Variants in CHD1 observed in about 807,000 individuals in gnomAD.
The protein encoded by CHD1 is ATP-dependent chromatin remodeler CHD1.
A neutral mutation model predicts 224.2 loss-of-function variants in CHD1; 36 were observed. The ratio of observed to expected loss-of-function variants is 0.16; its 90% CI spans 0.12 to 0.21. The LOEUF is 0.21. Ranked by LOEUF, CHD1 falls within the 10% of genes least tolerant of loss-of-function variation. The pLI is 1.00. For synonymous variants in CHD1, 668 were observed against 658.3 expected (o/e 1.01, Z -0.23); for missense variants, 1,378 against 1,994.8 (o/e 0.69, Z 5.89).
chr5:98,924,729 AC>A (rs1278012206), intron 2 of CHD1, among the ~76,000 whole-genome samples: 1 of 152,180 alleles, frequency 6.6e-6, no homozygotes, highest in Non-Finnish European at 1.5e-5. Context: ...TAATCTCAGC[AC>A]TTTGGGAGCT....
intron 31 of CHD1, among the ~76,000 whole-genome samples, 164 bp downstream of exon 31, chr5:98,868,331 G>GAAAAAAAAAAAAAAA (rs58475767): frequency 1.1e-5 from 1 of 91,686 alleles, no homozygotes. Context: ...ACTCAAAAAA[G>GAAAAAAAAAAAAAAA]AAAAAAAAAA....
intron 2 of CHD1, among the ~76,000 whole-genome samples, chr5:98,925,943 T>C (rs903879175): frequency 6.6e-6 from 1 of 151,700 alleles, no homozygotes; most frequent in Non-Finnish European, 1.5e-5. Flanking sequence ...ACAGTACAGG[T>C]ATAGAAGACA....
At chr5:98,875,210 T>C in intron 24 of CHD1, 97 bp from the exon 25 acceptor site, 1 of 710,356 alleles carries the variant, frequency 1.4e-6, no homozygotes, top group South Asian at 2.0e-5. Context: ...TACTTGTTAG[T>C]ATAAAAATTC....
At chr5:98,927,999 G>A (rs1753593579) in intron 1 of CHD1, among the ~76,000 whole-genome samples, 1 of 152,130 alleles carries the variant, frequency 6.6e-6, no homozygotes, top group Admixed American at 6.5e-5. Context: ...TTTTAAAGCG[G>A]CACTCGAAAG....
At chr5:98,894,950 T>C (rs1410584386) in intron 12 of CHD1, among the ~76,000 whole-genome samples, 2 of 151,652 alleles carry the variant, frequency 1.3e-5, no homozygotes, top group Non-Finnish European at 2.9e-5. Context: ...GCCTCCCGAG[T>C]AGCTAGGATT....
At chr5:98,883,859 A>ATT (rs1382869792) in intron 18 of CHD1, 1 of 28,836 alleles carries the variant, frequency 3.5e-5, no homozygotes, top group East Asian at 1.1e-3. Context: ...ATATATATAT[A>ATT]TATTTTTTTT....
chr5:98,922,163 C>A (rs993258082), intron 2 of CHD1, among the ~76,000 whole-genome samples: 1 of 151,788 alleles, frequency 6.6e-6, no homozygotes, highest in African/African-American at 2.4e-5. Context: ...TAAAAAAAAA[C>A]AAACCACACA....
rs546965044 is a variant in CHD1, at chr5:98,912,884, T to C, written c.54-7786A>G. Among the ~76,000 whole-genome samples the C allele has an allele frequency of 2.0e-4, 31 of 152,304 alleles. No individual in the cohort carries two copies. The South Asian group carries it at 3.5e-3, about 17-fold the overall frequency. ...TACTTCTGTCCTTAGCACATAAAGA[T>C]TTTCTTTCTTGTACATATAATTTCC... On this transcript the variant is annotated intron_variant, in intron 2 of 35. Coordinates refer to ENST00000614616, the MANE Select transcript of CHD1 (RefSeq NM_001270.4).
Position 98,899,693 on chromosome 5 carries a change from G to C in CHD1, c.872C>G (p.Thr291Ser), listed in dbSNP as rs201024756. 16 of 1,610,822 alleles carry C rather than the reference G, an allele frequency of 9.9e-6. No individual in the cohort carries two copies. Among genetic ancestry groups the C allele is most frequent in the Non-Finnish European group, 1.1e-5 (13 of 1,178,344 alleles). ...RIGRKGATGA[T>S]TTIYAVEADG... ...TGCTTCAACTGCATAGATGGTTGTAGTAGCACCAGTAGCTGAAAACAAAAG... is the reference window on the plus strand; with the variant it reads ...TGCTTCAACTGCATAGATGGTTGTACTAGCACCAGTAGCTGAAAACAAAAG... Residue 291 changes from threonine (T) to serine (S), a missense_variant, in exon 8 of 36, where the codon ACT (threonine) becomes AGT (serine). By Grantham distance (58) the Thr-to-Ser change is moderately conservative (BLOSUM62 1). Transcript: ENST00000614616.
intron 24 of CHD1, among the ~76,000 whole-genome samples, chr5:98,875,743 T>A (rs1023231680): frequency 6.6e-6 from 1 of 152,134 alleles, no homozygotes; most frequent in Non-Finnish European, 1.5e-5. Context: ...GGTCTAAGAT[T>A]TTAAAAGAAA....
chr5:98,880,702 G>T (rs1417953284), intron 22 of CHD1, among the ~76,000 whole-genome samples: 1 of 152,078 alleles, frequency 6.6e-6, no homozygotes, highest in African/African-American at 2.4e-5. Flanking sequence ...TTTCTTATTT[G>T]TGATAAGTTA....
At chr5:98,915,719 A>G (rs1752688795) in intron 2 of CHD1, among the ~76,000 whole-genome samples, 1 of 152,190 alleles carries the variant, frequency 6.6e-6, no homozygotes, top group African/African-American at 2.4e-5. Context: ...CAAAAAATCA[A>G]GTGAGGTGGG....
chr5:98,880,357 T>C (rs1750085058), intron 22 of CHD1, among the ~76,000 whole-genome samples: 1 of 152,210 alleles, frequency 6.6e-6, no homozygotes, highest in African/African-American at 2.4e-5. Flanking sequence ...AGCTCTTTCC[T>C]CACTACAGTC....
intron 2 of CHD1, among the ~76,000 whole-genome samples, chr5:98,919,723 GT>G (rs1324129735): frequency 6.6e-6 from 1 of 152,144 alleles, no homozygotes; most frequent in African/African-American, 2.4e-5. Flanking sequence ...ATGAACTCAC[GT>G]TTATGTATGA....
intron 30 of CHD1, 59 bp from the exon 31 acceptor site, chr5:98,868,694 G>T: frequency 1.4e-6 from 2 of 1,414,384 alleles, no homozygotes; most frequent in South Asian, 1.5e-5. Flanking sequence ...AAGGCAAAAT[G>T]ACTAACACTT....
chr5:98,858,140 C>T, intron 35 of CHD1, 40 bp downstream of exon 35: 1 of 1,537,600 alleles, frequency 6.5e-7, no homozygotes, highest in Non-Finnish European at 9.0e-7. Flanking sequence ...AGGAGAAAAA[C>T]ATGCATAAGC....
rs1753677564 is a variant in CHD1, at chr5:98,928,707, GT to G, written c.-318del. The G allele has an allele frequency of 6.5e-6, 1 of 154,010 alleles. No homozygotes were observed. Among genetic ancestry groups the G allele is most frequent in the African/African-American group, 2.4e-5 (1 of 41,458 alleles). The allele number at this position is 154,010 out of a possible 1,614,324, so 9.5% of individuals were successfully genotyped here. A position where few individuals can be genotyped will look rare whatever the true frequency, so the allele number is the denominator to read the frequency against. ...ACGCGGAGGGGAAGGGGAAGCCCCG[GT>G]CCGCAGCACCAACGCGCGATCCCCT... is the stretch of plus-strand genomic sequence containing the variant. On this transcript the variant is annotated 5_prime_UTR_variant, in exon 1 of 36. Coordinates refer to ENST00000614616, the MANE Select transcript of CHD1 (RefSeq NM_001270.4).
At chr5:98,891,223 A>G (rs1751002990) in intron 15 of CHD1, among the ~76,000 whole-genome samples, 1 of 151,882 alleles carries the variant, frequency 6.6e-6, no homozygotes, top group African/African-American at 2.4e-5. Flanking sequence ...ACATGCACCC[A>G]CCACCACTCC....
chr5:98,892,972 T>G (rs1173604075), intron 14 of CHD1, among the ~76,000 whole-genome samples: 8 of 152,292 alleles, frequency 5.3e-5, no homozygotes, highest in Non-Finnish European at 8.8e-5. Flanking sequence ...TAATTATCAC[T>G]AAAATATTTC....
Sources: allele counts gnomAD v4.1 joint callset (sites outside exome capture counted in the v4.1 genomes callset), GRCh38; gene constraint gnomAD v4.1.1; transcripts MANE v1.5; gene names NCBI Gene and HGNC (gene_info 2026-07-23, HGNC 2026-07-21).